The following ZZEF1 variants were observed in gnomAD, a reference collection of about 807,000 sequenced individuals.
The protein encoded by ZZEF1 is zinc finger ZZ-type and EF-hand domain-containing protein 1.
ZZEF1 carries 157 observed loss-of-function variants against 342.8 expected under a neutral mutation model. The ratio of observed to expected loss-of-function variants is 0.46; its 90% CI spans 0.40 to 0.52. ZZEF1 has a LOEUF of 0.52. Ranked by LOEUF, ZZEF1 falls within the 20% of genes least tolerant of loss-of-function variation. The pLI, the probability that ZZEF1 is intolerant of heterozygous loss-of-function variation, is 0.00. For synonymous variants in ZZEF1, 1,505 were observed against 1,429.1 expected (o/e 1.05, Z -1.20); for missense variants, 3,480 against 3,725.6 (o/e 0.93, Z 1.72).
At chr17:4,098,932 T>C (rs1433700607) in intron 9 of ZZEF1, among the ~76,000 whole-genome samples, 1 of 152,226 alleles carries the variant, frequency 6.6e-6, no homozygotes, top group East Asian at 1.9e-4. Context: ...ATTGAACTCT[T>C]ACCTTTTCCC....
At chr17:4,024,217 A>G (rs549756055) in intron 43 of ZZEF1, among the ~76,000 whole-genome samples, 78 of 51,066 alleles carry the variant, frequency 1.5e-3, no homozygotes, top group African/African-American at 9.3e-3. Flanking sequence ...TTTTTTTTAC[A>G]GAGGGAGTCT....
Position 4,022,677 on chromosome 17 carries a change from A to G in ZZEF1, c.7212+32T>C, listed in dbSNP as rs763683517. On this transcript the variant is annotated intron_variant, in intron 44 of 54. Transcript: ENST00000381638. Reference sequence around the variant, plus strand: ...CCTAGGCCAGCACATCTGCACCAGGAAAGAGGAGCAGGAGTCCCTCTCGTC... The same window carrying G: ...CCTAGGCCAGCACATCTGCACCAGGGAAGAGGAGCAGGAGTCCCTCTCGTC... 20 of 1,612,978 alleles carry G rather than the reference A, an allele frequency of 1.2e-5. No individual in the cohort carries two copies. In the Admixed American group the frequency reaches 1.5e-4, roughly 12 times the overall value.
Position 4,124,058 on chromosome 17 carries a change from G to A in ZZEF1, c.355-7C>T. ...CATCAAACTGGGCAAAGGCCTACAA[G>A]ATAAGAGATGCAAGAAAATCAGGGC... On this transcript the variant is annotated splice_region_variant and splice_polypyrimidine_tract_variant and intron_variant, in intron 1 of 54. Coordinates refer to ENST00000381638, the MANE Select transcript of ZZEF1 (RefSeq NM_015113.4). 1 of 1,598,918 alleles carries A rather than the reference G, an allele frequency of 6.3e-7. No individual in the cohort carries two copies.
intron 1 of ZZEF1, among the ~76,000 whole-genome samples, chr17:4,132,965 C>CA (rs149110239): frequency 3.4e-4 from 50 of 147,758 alleles, no homozygotes; most frequent in East Asian, 9.9e-4. Context: ...GACTCCATCT[C>CA]AAAAAAAAAA....
chr17:4,108,550 C>T (rs2058248084), intron 6 of ZZEF1, among the ~76,000 whole-genome samples: 1 of 152,154 alleles, frequency 6.6e-6, no homozygotes. Context: ...ACGTGCAAAA[C>T]TTGCAGGGAG....
At chr17:4,136,170 C>A (rs1342870864) in intron 1 of ZZEF1, among the ~76,000 whole-genome samples, 1 of 150,368 alleles carries the variant, frequency 6.7e-6, no homozygotes, top group Admixed American at 6.6e-5. Flanking sequence ...TGGTGAAACC[C>A]CCGTCTCTAC....
intron 34 of ZZEF1, among the ~76,000 whole-genome samples, chr17:4,053,701 T>C (rs1219203874): frequency 1.3e-5 from 2 of 152,186 alleles, no homozygotes; most frequent in East Asian, 3.8e-4. Context: ...TGTACGAGGA[T>C]TTTTGAAGCT....
chr17:4,060,558 A>C (rs973539699), intron 30 of ZZEF1, among the ~76,000 whole-genome samples: 1 of 128,834 alleles, frequency 7.8e-6, no homozygotes, highest in African/African-American at 3.9e-5. Context: ...TCAAGACAAA[A>C]AAACAAACAA....
At chr17:4,027,157 T>C (rs1468979899) in intron 42 of ZZEF1, among the ~76,000 whole-genome samples, 1 of 152,058 alleles carries the variant, frequency 6.6e-6, no homozygotes, top group Non-Finnish European at 1.5e-5. Flanking sequence ...TAGGGGGTGG[T>C]AGAAGACAGG....
Position 4,032,170 on chromosome 17 carries a change from T to C in ZZEF1, c.6848A>G (p.Asn2283Ser). ...VIILKHFTEKNRAVIVDVKTR... is the reference protein window; with the variant it reads ...VIILKHFTEKSRAVIVDVKTR... ...TTTGACATCAACAATCACAGCCCTG[T>C]TCTTCTCAGTAAAGTGCTTCAAGAT... The change falls in exon 42 of 55, where the codon AAC (asparagine) becomes AGC (serine). Residue 2283 changes from asparagine (N) to serine (S), a missense_variant. By Grantham distance (46) the Asn-to-Ser change is conservative. Around this residue, in one of 5 missense-constraint regions of ZZEF1, gnomAD observed 1,269 missense variants for 1,342.4 expected, o/e 0.95. Transcript: ENST00000381638. 1 of 1,614,076 alleles carries C rather than the reference T, an allele frequency of 6.2e-7. No individual in the cohort carries two copies. Among genetic ancestry groups the C allele is most frequent in the Non-Finnish European group, 8.5e-7 (1 of 1,179,994 alleles).
chr17:4,052,379 C>T (rs2057068110), intron 34 of ZZEF1, among the ~76,000 whole-genome samples: 1 of 152,172 alleles, frequency 6.6e-6, no homozygotes, highest in Admixed American at 6.5e-5. Context: ...ATCAGGACTG[C>T]TGTTTGGTGG....
chr17:4,035,143 CATT>C (rs1184629383), intron 39 of ZZEF1, among the ~76,000 whole-genome samples: 9 of 152,206 alleles, frequency 5.9e-5, no homozygotes, highest in Middle Eastern at 3.4e-3. Context: ...TCCAGTTCTT[CATT>C]ATTATAAAAA....
chr17:4,140,224 A>G (rs2058820562), intron 1 of ZZEF1, among the ~76,000 whole-genome samples: 1 of 152,186 alleles, frequency 6.6e-6, no homozygotes, highest in African/African-American at 2.4e-5. Context: ...GTCCCTTGAA[A>G]AAGTTTTGTG....
intron 1 of ZZEF1, among the ~76,000 whole-genome samples, chr17:4,137,228 A>G (rs2058762837): frequency 6.6e-6 from 1 of 152,092 alleles, no homozygotes; most frequent in Non-Finnish European, 1.5e-5. Flanking sequence ...CCCTTCCTCC[A>G]TAGCTCTCCT....
rs554521473 is a variant in ZZEF1 at position 4,139,505 on chromosome 17, A to G, written c.354+3037T>C. On this transcript the variant is annotated intron_variant, in intron 1 of 54. Transcript: ENST00000381638. ...ATCTTGCAGTAAAATACAGCAGTAT[A>G]TTCTCAAAAGCTTAGACGTAGATTA... is the stretch of plus-strand genomic sequence containing the variant. Among the ~76,000 whole-genome samples, 6 of 152,382 alleles carry G rather than the reference A, an allele frequency of 3.9e-5. No individual in the cohort carries two copies. In the South Asian group the frequency reaches 1.2e-3, roughly 32 times the overall value.
At chr17:4,141,395 T>G (rs1210656367) in intron 1 of ZZEF1, among the ~76,000 whole-genome samples, 1 of 152,240 alleles carries the variant, frequency 6.6e-6, no homozygotes, top group African/African-American at 2.4e-5. Context: ...TACTGCTTTA[T>G]GTACACACCC....
intron 33 of ZZEF1, 44 bp downstream of exon 33, chr17:4,056,172 C>A (rs894969487): frequency 6.8e-7 from 1 of 1,477,162 alleles, no homozygotes; most frequent in South Asian, 1.5e-5. Flanking sequence ...CCTCTCCAAA[C>A]TCCTAGCAAA....
At chr17:4,133,499 A>G (rs893986347) in intron 1 of ZZEF1, among the ~76,000 whole-genome samples, 10 of 152,102 alleles carry the variant, frequency 6.6e-5, no homozygotes, top group African/African-American at 2.4e-4. Flanking sequence ...TCCATCTATA[A>G]AAGCTGCTTT....
rs1567751561 is a variant in ZZEF1 at position 4,004,847 on chromosome 17, G to C, written c.*2043C>G. ...GCGGCCGGGCCGAGCCGGGAGAGCA[G>C]CCGCGGGTGCGAGCGGACTCAGGCT... On this transcript the variant is annotated 3_prime_UTR_variant, in exon 55 of 55. Coordinates refer to ENST00000381638, the MANE Select transcript of ZZEF1 (RefSeq NM_015113.4). 6.6e-6 allele frequency: 1 copy of C among 152,272 alleles called. No homozygotes were observed. The highest frequency in any genetic ancestry group is 1.5e-5 in the Non-Finnish European group (1 of 68,064). 9.4% of individuals were successfully genotyped at this position (152,272 alleles called of 1,614,324 possible).
Sources: allele counts gnomAD v4.1 joint callset (sites outside exome capture counted in the v4.1 genomes callset), GRCh38; gene constraint gnomAD v4.1.1; regional missense constraint gnomAD v4.1.1; transcripts MANE v1.5; gene names NCBI Gene and HGNC (gene_info 2026-07-23, HGNC 2026-07-21).